Variants in INTS12 observed in about 807,000 individuals in gnomAD.
INTS12 encodes the protein PHD finger protein 22.
INTS12 carries 13 observed loss-of-function variants against 41.6 expected under a neutral mutation model. That is an observed-to-expected ratio of 0.31 (90% CI 0.20 to 0.50). The LOEUF is 0.50. Ranked by LOEUF, INTS12 falls within the 20% of genes least tolerant of loss-of-function variation. INTS12 has a pLI of 0.98. For synonymous variants in INTS12, 199 were observed against 191.4 expected (o/e 1.04, Z -0.33); for missense variants, 432 against 541.6 (o/e 0.80, Z 2.01).
At chr4:105,687,463 T>C (rs1254903525) in intron 6 of INTS12, among the ~76,000 whole-genome samples, 66 of 152,202 alleles carry the variant, frequency 4.3e-4, no homozygotes, top group Non-Finnish European at 2.9e-5. Context: ...TCTTCAGTTT[T>C]ATTTTGACCA....
chr4:105,686,896 T>C (rs1731516122), intron 6 of INTS12, 58 bp from the exon 7 acceptor site: 1 of 1,457,850 alleles, frequency 6.9e-7, no homozygotes, highest in African/African-American at 1.4e-5. Context: ...TACAGAAAGA[T>C]AATAATCCCT....
chr4:105,683,088 C>T lies in INTS12; in HGVS notation c.1034G>A (p.Gly345Asp). 2 of 1,614,058 alleles carry T rather than the reference C, an allele frequency of 1.2e-6. No homozygotes were observed. The highest frequency in any genetic ancestry group is 2.2e-5 in the South Asian group (2 of 91,084). The change falls in exon 8 of 8, where the codon GGT becomes GAT. Residue 345 changes from glycine (G) to aspartate (D), a missense_variant. Transcript: ENST00000340139. ...GLATSSKGGI[G>D]SKIGSNNSTT... ...GCTGTTATTGGAACCTATTTTGGAA[C>T]CTATTCCACCTTTGGATGATGTTGC...
intron 6 of INTS12, among the ~76,000 whole-genome samples, 165 bp downstream of exon 6, chr4:105,691,811 G>C (rs1191424228): frequency 6.6e-6 from 1 of 152,096 alleles, no homozygotes; most frequent in Non-Finnish European, 1.5e-5. Context: ...CTGGTCTTTA[G>C]CAATAGAAAT....
In INTS12 at chr4:105,682,982, G is replaced by GTC; in HGVS notation, c.1138_1139dup (p.Asp380GlufsTer7). The GTC allele has an allele frequency of 6.2e-7, 1 of 1,614,110 alleles. No individual in the cohort carries two copies. Among genetic ancestry groups the GTC allele is most frequent in the Non-Finnish European group, 8.5e-7 (1 of 1,179,970 alleles). Reference sequence around the variant, plus strand: ...TAGGAAGACCTACTTTGCTGACATTGTCACAACTAACTGAGCGACTAAGGC... The same window carrying GTC: ...TAGGAAGACCTACTTTGCTGACATTGTCTCACAACTAACTGAGCGACTAAGGC... On this transcript the variant is annotated frameshift_variant, in exon 8 of 8. Coordinates refer to ENST00000340139, the MANE Select transcript of INTS12 (RefSeq NM_020395.4). LOFTEE classifies it high-confidence loss of function.
intron 1 of INTS12, among the ~76,000 whole-genome samples, chr4:105,704,295 C>T (rs1407865453): frequency 6.6e-6 from 1 of 152,204 alleles, no homozygotes; most frequent in Non-Finnish European, 1.5e-5. Flanking sequence ...TTTGTAGGTT[C>T]CTCCTATCCA....
chr4:105,700,754 GA>G (rs768392389), intron 2 of INTS12, among the ~76,000 whole-genome samples: 3 of 110,810 alleles, frequency 2.7e-5, no homozygotes, highest in Non-Finnish European at 5.3e-5. Context: ...CAGAGCCTAT[GA>G]TGCTTTGTGT....
At chr4:105,708,022 T>C (rs755578840) in intron 1 of INTS12, 245 of 985,260 alleles carry the variant, frequency 2.5e-4, no homozygotes, top group Admixed American at 3.7e-4. Flanking sequence ...TGCCATTTCA[T>C]AATGGCTCTA....
At chr4:105,702,455 T>G (rs2149191512) in intron 2 of INTS12, among the ~76,000 whole-genome samples, 1 of 152,294 alleles carries the variant, frequency 6.6e-6, no homozygotes, top group South Asian at 2.1e-4. Context: ...CTATTTCTAT[T>G]TATTTTTTAA....
Position 105,700,029 on chromosome 4 carries a change from G to A in INTS12, c.-9-15C>T, listed in dbSNP as rs367825208. 1.9e-5 allele frequency: 27 copies of A among 1,451,966 alleles called. No individual in the cohort carries two copies. The East Asian group carries it at 4.0e-4, about 21-fold the overall frequency. The allele number at this position is 1,451,966 out of a possible 1,614,324, so 89.9% of individuals were successfully genotyped here. A position where few individuals can be genotyped will look rare whatever the true frequency, so the allele number is the denominator to read the frequency against. On this transcript the variant is annotated splice_polypyrimidine_tract_variant and intron_variant, in intron 2 of 7. Coordinates refer to ENST00000340139, the MANE Select transcript of INTS12 (RefSeq NM_020395.4). The stretch of plus-strand genomic sequence containing the variant: ...ATTGCAAACGCCTGAAGGAAAAAAA[G>A]AGAAAGTAATCTAGAAGACAATGCA...
At chr4:105,700,934 T>C (rs548582410) in intron 2 of INTS12, among the ~76,000 whole-genome samples, 2 of 152,178 alleles carry the variant, frequency 1.3e-5, no homozygotes, top group Non-Finnish European at 2.9e-5. Flanking sequence ...ATTATCAAAA[T>C]AAAAATGTAT....
At chr4:105,694,531 G>C (rs192964704) in intron 4 of INTS12, among the ~76,000 whole-genome samples, 98 of 152,160 alleles carry the variant, frequency 6.4e-4, no homozygotes, top group Admixed American at 5.0e-3. Context: ...TTGCCATGTT[G>C]GCCAGGGTGG....
At chr4:105,704,901 C>T (rs377108302) in intron 1 of INTS12, among the ~76,000 whole-genome samples, 21 of 152,338 alleles carry the variant, frequency 1.4e-4, no homozygotes, top group African/African-American at 5.1e-4. Context: ...CCTAGACCAA[C>T]CTAGCATCAT....
intron 6 of INTS12, among the ~76,000 whole-genome samples, chr4:105,689,746 T>TA (rs200072162): frequency 1.2e-4 from 18 of 148,782 alleles, no homozygotes; most frequent in East Asian, 2.0e-4. Context: ...CTACAAAAAA[T>TA]AAAAAAAAAA....
intron 6 of INTS12, among the ~76,000 whole-genome samples, chr4:105,691,195 G>A (rs901353861): frequency 6.6e-6 from 1 of 152,140 alleles, no homozygotes; most frequent in Non-Finnish European, 1.5e-5. Context: ...TTGATTAACA[G>A]ACATGAGAAC....
At chr4:105,689,447 C>T (rs2149179783) in intron 6 of INTS12, among the ~76,000 whole-genome samples, 1 of 152,290 alleles carries the variant, frequency 6.6e-6, no homozygotes, top group South Asian at 2.1e-4. Context: ...CCTTACATTT[C>T]CTGGATTCTG....
intron 3 of INTS12, 148 bp downstream of exon 3, chr4:105,699,702 G>T: frequency 1.6e-6 from 1 of 639,928 alleles, no homozygotes; most frequent in Non-Finnish European, 2.4e-6. Context: ...AAAACTTGAA[G>T]GGAAAAAAGA....
intron 3 of INTS12, among the ~76,000 whole-genome samples, chr4:105,698,612 G>A (rs1731954293): frequency 6.6e-6 from 1 of 152,112 alleles, no homozygotes. Flanking sequence ...CACCCACAGT[G>A]GAATGAATTT....
intron 7 of INTS12, among the ~76,000 whole-genome samples, chr4:105,683,983 C>T (rs906462416): frequency 3.3e-5 from 5 of 152,136 alleles, no homozygotes; most frequent in Non-Finnish European, 4.4e-5. Flanking sequence ...TTTAGTTTCA[C>T]AATTTGCCCA....
At chr4:105,697,421 GA>G (rs1233383408) in intron 3 of INTS12, among the ~76,000 whole-genome samples, 3 of 151,582 alleles carry the variant, frequency 2.0e-5, no homozygotes, top group African/African-American at 4.8e-5. Flanking sequence ...TCTGAGGGGG[GA>G]AGAGAAGAAA....
Sources: gnomAD v4.1 joint callset for allele counts (sites outside exome capture counted in the v4.1 genomes callset) on GRCh38, gnomAD v4.1.1 for gene constraint, MANE v1.5 for transcripts, NCBI Gene and HGNC (gene_info 2026-07-23, HGNC 2026-07-21) for gene names.